ABCB4: variants seen among roughly 807,000 people sequenced by gnomAD.
ABCB4 encodes the protein phosphatidylcholine translocator ABCB4.
In ABCB4, 76 loss-of-function variants were observed where a neutral mutation model predicts 145.7. The observed-to-expected ratio is 0.52, with a 90% CI of 0.43 to 0.63. The LOEUF (loss-of-function observed/expected upper bound fraction) is 0.63. ABCB4 is among the 30% of genes least tolerant of loss of function. The probability of loss-of-function intolerance (pLI) is 0.00; values close to 1 mark genes in which losing one functional copy is unlikely to be tolerated. For missense variants in ABCB4, 1,234 were observed against 1,553.1 expected (o/e 0.79, Z 3.45); for synonymous variants, 517 against 566.8 (o/e 0.91, Z 1.25).
At chr7:87,451,517 T>C (rs1339488514) in intron 7 of ABCB4, 106 bp downstream of exon 7, 1 of 1,225,134 alleles carries the variant, frequency 8.2e-7, no homozygotes, top group Non-Finnish European at 1.2e-6. Context: ...TAGTTTCAAC[T>C]GACATTTAAT....
chr7:87,402,164 G>C lies in ABCB4; in HGVS notation c.3772C>G (p.Gln1258Glu), dbSNP rs546908534. ...TAGATGCCTTTCTGTGCCAGCAGCTGCTGATGCGTGCCATGCTCCTTGACT... is the reference window on the plus strand; with the variant it reads ...TAGATGCCTTTCTGTGCCAGCAGCTCCTGATGCGTGCCATGCTCCTTGACT... ...GRVKEHGTHQQLLAQKGIYFS... is the reference protein window; with the variant it reads ...GRVKEHGTHQELLAQKGIYFS... The change falls in exon 28 of 28, where the codon CAG becomes GAG. Residue 1258 changes from glutamine to glutamate, a missense_variant. Transcript: ENST00000649586. 1 of 1,614,086 alleles carries C rather than the reference G, an allele frequency of 6.2e-7. No individual in the cohort carries two copies. Among genetic ancestry groups the C allele is most frequent in the African/African-American group, 1.3e-5 (1 of 75,044 alleles).
the ABCB4 span, chr7:87,392,669 C>G: frequency 6.2e-7 from 1 of 1,610,202 alleles, no homozygotes. Flanking sequence ...ATTTTTCTGA[C>G]TTAAAAATCT....
Position 87,436,281 on chromosome 7 carries a change from C to A in ABCB4, c.1731+3386G>T, listed in dbSNP as rs560580185. 3.2e-4 allele frequency among the ~76,000 whole-genome samples: 49 copies of A among 150,850 alleles called. No individual in the cohort carries two copies. The South Asian group carries it at 5.9e-3, about 18-fold the overall frequency. ...GGTGTAAGATTTTTAGCAAAAATCT[C>A]TGAAAGATTTTAGGCAGAGCCTAGT... On this transcript the variant is annotated intron_variant, in intron 14 of 27. Coordinates refer to ENST00000649586, the MANE Select transcript of ABCB4 (RefSeq NM_000443.4).
intron 4 of ABCB4, among the ~76,000 whole-genome samples, chr7:87,458,566 AC>A (rs1812252961): frequency 6.6e-6 from 1 of 152,110 alleles, no homozygotes; most frequent in Admixed American, 6.6e-5. Flanking sequence ...TCTGTTCCCA[AC>A]CCCCATGATT....
At chr7:87,469,978 G>T (rs1584797628) in intron 3 of ABCB4, among the ~76,000 whole-genome samples, 1 of 152,148 alleles carries the variant, frequency 6.6e-6, no homozygotes, top group Non-Finnish European at 1.5e-5. Context: ...ATACTACAAG[G>T]CTACAGTAAC....
chr7:87,403,607 A>G (rs1807963979), intron 26 of ABCB4, among the ~76,000 whole-genome samples: 1 of 152,204 alleles, frequency 6.6e-6, no homozygotes, highest in South Asian at 2.1e-4. Context: ...TATGTGCTAT[A>G]CTCTTATACA....
chr7:87,445,178 T>C (rs1811264578), intron 9 of ABCB4, among the ~76,000 whole-genome samples: 2 of 152,194 alleles, frequency 1.3e-5, no homozygotes. Flanking sequence ...CTACCTATTG[T>C]TCTCCTGAAT....
At chr7:87,462,980 T>C (rs1812566800) in intron 3 of ABCB4, 72 bp from the exon 4 acceptor site, 4 of 1,399,346 alleles carry the variant, frequency 2.9e-6, no homozygotes, top group Non-Finnish European at 4.0e-6. Context: ...ATATATTCTT[T>C]GGATTTTTAT....
intron 3 of ABCB4, among the ~76,000 whole-genome samples, chr7:87,469,205 G>A (rs1035884364): frequency 3.3e-5 from 5 of 152,074 alleles, no homozygotes; most frequent in Admixed American, 2.6e-4. Flanking sequence ...AATAAATTAG[G>A]TATTGATGGG....
intron 21 of ABCB4, among the ~76,000 whole-genome samples, chr7:87,415,350 G>A: frequency 9.3e-6 from 1 of 107,672 alleles, no homozygotes; most frequent in East Asian, 2.5e-4. Flanking sequence ...TTTTTAAATA[G>A]TGATTTGGGG....
the ABCB4 span, among the ~76,000 whole-genome samples, chr7:87,383,367 T>C: frequency 1.2e-3 from 187 of 152,306 alleles, 1 homozygote; most frequent in East Asian, 0.011. Context: ...GCAGTATTTG[T>C]CTTTCTATTT....
rs1390760012 is a variant in ABCB4 at position 87,408,053 on chromosome 7, G to T, written c.3263C>A (p.Pro1088His). ...VVQLLERFYDPLAGTVLLDGQ... is the reference protein window; with the variant it reads ...VVQLLERFYDHLAGTVLLDGQ... ...TGTGCTCACCACTGTCCCCGCCAAG[G>T]GGTCGTAGAACCGCTCCAGGAGCTG... The change falls in exon 25 of 28, where the codon CCC becomes CAC. Residue 1088 changes from proline (P) to histidine (H), a missense_variant. By Grantham distance (77) the Pro-to-His change is moderately conservative. Around this residue, in one of 7 missense-constraint regions of ABCB4, gnomAD observed 301 missense variants for 389.0 expected, o/e 0.77. Coordinates refer to ENST00000649586, the MANE Select transcript of ABCB4 (RefSeq NM_000443.4). The T allele has an allele frequency of 1.9e-6, 3 of 1,613,922 alleles. No individual in the cohort carries two copies. The highest frequency in any genetic ancestry group is 2.5e-6 in the Non-Finnish European group (3 of 1,180,032).
At chr7:87,450,165 A>C in intron 7 of ABCB4, 73 bp from the exon 8 acceptor site, 1 of 1,593,038 alleles carries the variant, frequency 6.3e-7, no homozygotes, top group Non-Finnish European at 8.6e-7. Flanking sequence ...CAACCCTTTA[A>C]CCTACTTTTT....
chr7:87,403,790 T>C (rs45466898), intron 26 of ABCB4, among the ~76,000 whole-genome samples: 48 of 152,284 alleles, frequency 3.2e-4, no homozygotes, highest in African/African-American at 1.2e-3. Context: ...AAAATGTTGT[T>C]ATGTAACACA....
chr7:87,368,368 C>G, the ABCB4 span, among the ~76,000 whole-genome samples: 1 of 152,030 alleles, frequency 6.6e-6, no homozygotes, highest in African/African-American at 2.4e-5. Flanking sequence ...GGGGTGTGGT[C>G]AGGAGATGAC....
downstream of ABCB4, chr7:87,398,222 C>T (rs1807608869): frequency 5.9e-6 from 3 of 507,164 alleles, no homozygotes; most frequent in Non-Finnish European, 1.1e-5. Flanking sequence ...AAGGACTTTT[C>T]TAGGAAGGAG....
intron 21 of ABCB4, 44 bp from the exon 22 acceptor site, chr7:87,413,761 T>C (rs780688129): frequency 1.8e-5 from 24 of 1,317,916 alleles, no homozygotes; most frequent in Non-Finnish European, 2.6e-5. Flanking sequence ...TGTTTTCACT[T>C]CTGAAATAAT....
the ABCB4 span, among the ~76,000 whole-genome samples, chr7:87,372,846 A>G: frequency 2.6e-5 from 4 of 152,072 alleles, no homozygotes; most frequent in African/African-American, 9.7e-5. Context: ...TTTATTAACT[A>G]TTCATCAGTT....
At chr7:87,389,916 A>G in the ABCB4 span, among the ~76,000 whole-genome samples, 1 of 152,174 alleles carries the variant, frequency 6.6e-6, no homozygotes, top group Non-Finnish European at 1.5e-5. Context: ...TTTTATATAG[A>G]AGATATGTTC....
Sources: gnomAD v4.1 joint callset for allele counts (sites outside exome capture counted in the v4.1 genomes callset) on GRCh38, gnomAD v4.1.1 for gene constraint, gnomAD v4.1.1 regional missense constraint, MANE v1.5 for transcripts, NCBI Gene and HGNC (gene_info 2026-07-23, HGNC 2026-07-21) for gene names.